Variants in THSD7B observed in about 807,000 individuals in gnomAD.
THSD7B encodes the protein thrombospondin type-1 domain-containing protein 7B.
THSD7B carries 138 observed loss-of-function variants against 213.6 expected under a neutral mutation model. The observed-to-expected ratio is 0.65, with a 90% CI of 0.56 to 0.74. The LOEUF (loss-of-function observed/expected upper bound fraction) is 0.74, where lower values mean the gene tolerates loss of function less well. THSD7B is among the 30% of genes least tolerant of loss of function. THSD7B has a pLI of 0.00. For missense variants in THSD7B, 1,931 were observed against 1,991.5 expected (o/e 0.97, Z 0.58); for synonymous variants, 742 against 687.0 (o/e 1.08, Z -1.25).
intron 12 of THSD7B, among the ~76,000 whole-genome samples, chr2:137,392,982 G>A (rs764353128): frequency 6.6e-6 from 1 of 151,584 alleles, no homozygotes; most frequent in South Asian, 2.1e-4. Context: ...CCATGTTTAG[G>A]AATCCTAAAG....
intron 2 of THSD7B, among the ~76,000 whole-genome samples, chr2:136,921,520 A>G (rs1684437842): frequency 6.6e-6 from 1 of 152,048 alleles, no homozygotes; most frequent in African/African-American, 2.4e-5. Flanking sequence ...AAGCTAAGGA[A>G]GGTGGAAGAT....
intron 7 of THSD7B, among the ~76,000 whole-genome samples, chr2:137,196,194 T>A (rs4407300): frequency 0.016 from 2,442 of 152,282 alleles, 66 homozygotes; most frequent in East Asian, 0.07. Context: ...CCATTGTTAA[T>A]GAGGCAGATG....
At chr2:137,305,840 A>T (rs937645526) in intron 12 of THSD7B, among the ~76,000 whole-genome samples, 9 of 152,116 alleles carry the variant, frequency 5.9e-5, no homozygotes, top group Non-Finnish European at 1.2e-4. Flanking sequence ...TCTAGATAGG[A>T]TAGCCTACTA....
chr2:137,229,518 G>C (rs556244126), intron 7 of THSD7B, among the ~76,000 whole-genome samples: 1 of 152,326 alleles, frequency 6.6e-6, no homozygotes, highest in Admixed American at 6.5e-5. Context: ...CAAGGGCAAT[G>C]AGCCTGGCCT....
chr2:137,599,854 G>A (rs1237032646), intron 17 of THSD7B, among the ~76,000 whole-genome samples: 1 of 152,138 alleles, frequency 6.6e-6, no homozygotes, highest in African/African-American at 2.4e-5. Context: ...AGCATATGGA[G>A]TGACTTTCCA....
chr2:137,493,405 A>G (rs1182447932), intron 15 of THSD7B, among the ~76,000 whole-genome samples: 1 of 152,192 alleles, frequency 6.6e-6, no homozygotes, highest in Non-Finnish European at 1.5e-5. Flanking sequence ...TATGTAATCC[A>G]AGAACATTCT....
chr2:137,572,593 A>G lies in THSD7B; in HGVS notation c.3423+37A>G, dbSNP rs750166150. On this transcript the variant is annotated intron_variant, in intron 17 of 27. Coordinates refer to ENST00000409968, the MANE Select transcript of THSD7B (RefSeq NM_001316349.2). ...TTCTTTGTCAATGCTCTGATAATCTATTGTTGCCTTCACTGTTGTTCGTTG... is the reference window on the plus strand; with the variant it reads ...TTCTTTGTCAATGCTCTGATAATCTGTTGTTGCCTTCACTGTTGTTCGTTG... 2.5e-6 allele frequency: 4 copies of G among 1,610,388 alleles called. No individual in the cohort carries two copies. In the East Asian group the frequency reaches 6.7e-5, roughly 27 times the overall value.
rs370251614 is a variant in THSD7B, at chr2:137,622,951, A to G, written c.3799+2225A>G. On this transcript the variant is annotated intron_variant, in intron 20 of 27. Transcript: ENST00000409968. Reference sequence around the variant, plus strand: ...TGAAACTATTCCAATCAATAGAAAAAGAGGAAATCCTCCCTAACTCATTTT... The same window carrying G: ...TGAAACTATTCCAATCAATAGAAAAGGAGGAAATCCTCCCTAACTCATTTT... Among the ~76,000 whole-genome samples the G allele has an allele frequency of 2.4e-4, 36 of 152,340 alleles. No individual in the cohort carries two copies. In the East Asian group the frequency reaches 6.7e-3, roughly 29 times the overall value.
chr2:137,227,722 T>C (rs1055369897), intron 7 of THSD7B, among the ~76,000 whole-genome samples: 3 of 152,172 alleles, frequency 2.0e-5, no homozygotes, highest in Non-Finnish European at 4.4e-5. Context: ...TAAAAGGATC[T>C]GTGTAATTAT....
At chr2:137,059,523 T>C (rs1030321327) in intron 3 of THSD7B, among the ~76,000 whole-genome samples, 1 of 152,158 alleles carries the variant, frequency 6.6e-6, no homozygotes, top group African/African-American at 2.4e-5. Context: ...CTACTCTATT[T>C]ACTCATCCTT....
At chr2:137,546,480 T>A (rs1457492901) in intron 15 of THSD7B, among the ~76,000 whole-genome samples, 1 of 68,600 alleles carries the variant, frequency 1.5e-5, no homozygotes, top group Non-Finnish European at 2.5e-5. Flanking sequence ...ATATATATAA[T>A]ATATATATAT....
Position 137,659,691 on chromosome 2 carries a change from C to G in THSD7B, c.4403C>G (p.Ala1468Gly). 1 of 1,604,540 alleles carries G rather than the reference C, an allele frequency of 6.2e-7. No homozygotes were observed. The highest frequency in any genetic ancestry group is 1.7e-5 in the Admixed American group (1 of 58,902). Residue 1468 changes from alanine (A) to glycine (G), a missense_variant, in exon 25 of 28, where the codon GCT becomes GGT. Ala to Gly is a moderately conservative substitution (Grantham distance 60). Coordinates refer to ENST00000409968, the MANE Select transcript of THSD7B (RefSeq NM_001316349.2). ...TGGCSPQARP[A>G]AIRQCIPACR... ...GGCTGCTCCCCTCAGGCCCGTCCTG[C>G]TGCCATTCGGCAGTGCATTCCAGCC...
At chr2:137,117,029 T>C (rs1011233491) in intron 5 of THSD7B, among the ~76,000 whole-genome samples, 7 of 152,182 alleles carry the variant, frequency 4.6e-5, no homozygotes, top group Non-Finnish European at 8.8e-5. Flanking sequence ...TGTAAATACA[T>C]AGATGTGTAA....
chr2:137,134,020 G>GTGTTGAGT (rs1688786965), intron 5 of THSD7B, among the ~76,000 whole-genome samples: 1 of 152,182 alleles, frequency 6.6e-6, no homozygotes, highest in Non-Finnish European at 1.5e-5. Flanking sequence ...TAACTAATAT[G>GTGTTGAGT]TGTTGAGTAT....
intron 2 of THSD7B, among the ~76,000 whole-genome samples, chr2:137,016,738 A>G (rs1469439984): frequency 6.6e-6 from 1 of 152,202 alleles, no homozygotes. Flanking sequence ...GTAGTACTGT[A>G]GCATGAATTA....
chr2:137,365,420 A>C (rs1213163293), intron 12 of THSD7B, among the ~76,000 whole-genome samples: 2 of 152,254 alleles, frequency 1.3e-5, no homozygotes, highest in Non-Finnish European at 1.5e-5. Context: ...GAGCTTCTGC[A>C]CAGCAAAAGA....
At chr2:137,514,258 G>A (rs540382390) in intron 15 of THSD7B, among the ~76,000 whole-genome samples, 24 of 152,272 alleles carry the variant, frequency 1.6e-4, no homozygotes, top group Admixed American at 1.6e-3. Context: ...AGTGGACTGG[G>A]AGAAGCAGAC....
chr2:136,826,323 A>G (rs975392416), intron 1 of THSD7B, among the ~76,000 whole-genome samples: 5 of 152,214 alleles, frequency 3.3e-5, no homozygotes, highest in African/African-American at 9.6e-5. Flanking sequence ...CATTTGCACA[A>G]AATAAACTGT....
chr2:137,314,826 A>G (rs1224627953), intron 12 of THSD7B, among the ~76,000 whole-genome samples: 2 of 152,208 alleles, frequency 1.3e-5, no homozygotes, highest in African/African-American at 2.4e-5. Context: ...CTCGGGGGTC[A>G]GGGGTCAGGG....
Sources: gnomAD v4.1 joint callset for allele counts (sites outside exome capture counted in the v4.1 genomes callset) on GRCh38, gnomAD v4.1.1 for gene constraint, MANE v1.5 for transcripts, NCBI Gene and HGNC (gene_info 2026-07-23, HGNC 2026-07-21) for gene names.